The following DIAPH1 variants were observed in gnomAD, a reference collection of about 807,000 sequenced individuals.
DIAPH1 encodes protein diaphanous homolog 1.
Under a neutral mutation model 140.7 loss-of-function variants are expected in DIAPH1, and 46 were observed. That is an observed-to-expected ratio of 0.33 (90% CI 0.26 to 0.42). The LOEUF (loss-of-function observed/expected upper bound fraction) is 0.42. Ranked by LOEUF, DIAPH1 falls within the 10% of genes least tolerant of loss-of-function variation. The pLI is 1.00. For missense variants in DIAPH1, 1,310 were observed against 1,558.7 expected (o/e 0.84, Z 2.69); for synonymous variants, 565 against 551.6 (o/e 1.02, Z -0.34).
chr5:141,581,032 C>T, intron 7 of DIAPH1, 149 bp from the exon 8 acceptor site: 1 of 882,006 alleles, frequency 1.1e-6, no homozygotes, highest in Admixed American at 2.0e-5. Flanking sequence ...GTAACCTCAT[C>T]TGGAAATATA....
chr5:141,532,381 G>A (rs941043236), intron 19 of DIAPH1, among the ~76,000 whole-genome samples: 1 of 152,102 alleles, frequency 6.6e-6, no homozygotes, highest in Non-Finnish European at 1.5e-5. Flanking sequence ...TGTTTCCCAG[G>A]CTGGTCTTGA....
chr5:141,592,963 TA>T (rs2099898726), intron 1 of DIAPH1, among the ~76,000 whole-genome samples: 1 of 152,194 alleles, frequency 6.6e-6, no homozygotes, highest in African/African-American at 2.4e-5. Flanking sequence ...AGGTGTTTTT[TA>T]GAAAGTAAGA....
chr5:141,543,784 G>C (rs2099890368), intron 18 of DIAPH1, among the ~76,000 whole-genome samples: 1 of 152,114 alleles, frequency 6.6e-6, no homozygotes, highest in Non-Finnish European at 1.5e-5. Context: ...AGGAGCATCT[G>C]TACACACACA....
chr5:141,618,566 G>C, intron 1 of DIAPH1: 1 of 442,354 alleles, frequency 2.3e-6, no homozygotes. Context: ...GTAAGGGCTG[G>C]GGAACGAGGG....
intron 18 of DIAPH1, among the ~76,000 whole-genome samples, chr5:141,567,350 A>ACTTCT (rs758247568): frequency 2.4e-4 from 36 of 152,304 alleles, no homozygotes; most frequent in Non-Finnish European, 4.6e-4. Flanking sequence ...AAGTTCTGGA[A>ACTTCT]ACCCCAGATA....
At chr5:141,527,123 A>G (rs183312386) in intron 24 of DIAPH1, among the ~76,000 whole-genome samples, 28 of 152,270 alleles carry the variant, frequency 1.8e-4, no homozygotes, top group African/African-American at 6.5e-4. Flanking sequence ...GAGACGGGGT[A>G]CAGGCAGGGG....
chr5:141,618,937 G>A lies in DIAPH1; in HGVS notation c.-23C>T, dbSNP rs777902356. ...CATGTCCCGGTTCACGCTGGCCGGC[G>A]ACCCCGCGCCTACGCCGCTCCCGCC... On this transcript the variant is annotated 5_prime_UTR_variant, in exon 1 of 28. Transcript: ENST00000389054. The A allele has an allele frequency of 5.0e-6, 7 of 1,400,888 alleles. No homozygotes were observed. The highest frequency in any genetic ancestry group is 6.2e-5 in the East Asian group (2 of 32,336). The allele number at this position is 1,400,888 out of a possible 1,614,324, so 86.8% of individuals were successfully genotyped here.
At chr5:141,527,249 A>C (rs1012202439) in intron 24 of DIAPH1, among the ~76,000 whole-genome samples, 2 of 152,024 alleles carry the variant, frequency 1.3e-5, no homozygotes, top group African/African-American at 4.8e-5. Context: ...TCTAAAGAAA[A>C]AAAGGTTACA....
In DIAPH1 at chr5:141,539,199, C is replaced by T. The variant is rs1487952970; in HGVS notation, c.2483-4766G>A. On this transcript the variant is annotated intron_variant, in intron 18 of 27. Coordinates refer to ENST00000389054, the MANE Select transcript of DIAPH1 (RefSeq NM_005219.5). ...GGCTGAGGCATGAGAATCACTTAAA[C>T]CCAGGAGGCGGAGGTTGCAGTGAGT... is the stretch of plus-strand genomic sequence containing the variant. Among the ~76,000 whole-genome samples, 6 of 151,944 alleles carry T rather than the reference C, an allele frequency of 3.9e-5. No homozygotes were observed. The East Asian group carries it at 1.2e-3, about 30-fold the overall frequency.
At chr5:141,548,953 A>G (rs1458555492) in intron 18 of DIAPH1, among the ~76,000 whole-genome samples, 1 of 152,268 alleles carries the variant, frequency 6.6e-6, no homozygotes, top group Non-Finnish European at 1.5e-5. Context: ...AAAAAGGTAT[A>G]TAACGACAGG....
chr5:141,595,431 C>T (rs1251156353), intron 1 of DIAPH1, among the ~76,000 whole-genome samples: 1 of 152,168 alleles, frequency 6.6e-6, no homozygotes, highest in African/African-American at 2.4e-5. Context: ...TGTGTCCCCA[C>T]CCAAATCTCA....
chr5:141,603,152 T>A (rs2099900421), intron 1 of DIAPH1, among the ~76,000 whole-genome samples: 1 of 152,202 alleles, frequency 6.6e-6, no homozygotes, highest in South Asian at 2.1e-4. Flanking sequence ...AATGATAGGC[T>A]CATGTTCTCC....
intron 14 of DIAPH1, 142 bp downstream of exon 14, chr5:141,576,088 A>G (rs1442558510): frequency 9.9e-6 from 7 of 707,898 alleles, no homozygotes; most frequent in Non-Finnish European, 1.8e-5. Context: ...CCTATACTGG[A>G]AAGGTTTCCC....
chr5:141,531,320 T>A (rs541229765), intron 19 of DIAPH1, among the ~76,000 whole-genome samples: 2 of 152,088 alleles, frequency 1.3e-5, no homozygotes, highest in African/African-American at 4.8e-5. Flanking sequence ...TCTCTCTTTT[T>A]TTTTTTTGAG....
chr5:141,566,953 A>C (rs1453876772), intron 18 of DIAPH1, among the ~76,000 whole-genome samples: 2 of 151,512 alleles, frequency 1.3e-5, no homozygotes, highest in Non-Finnish European at 2.9e-5. Flanking sequence ...CAAAAGGGAA[A>C]GTGGTATTGA....
chr5:141,578,482 G>C, intron 10 of DIAPH1, 33 bp downstream of exon 10: 1 of 1,577,016 alleles, frequency 6.3e-7, no homozygotes, highest in East Asian at 2.2e-5. Flanking sequence ...GAAGGAACCA[G>C]TCTAGCCTTT....
At chr5:141,559,683 G>A (rs968701972) in intron 18 of DIAPH1, among the ~76,000 whole-genome samples, 6 of 152,050 alleles carry the variant, frequency 3.9e-5, no homozygotes, top group African/African-American at 1.4e-4. Context: ...ACTCAATTAG[G>A]GAGTGCTAAA....
chr5:141,554,428 G>A (rs2099892237), intron 18 of DIAPH1, among the ~76,000 whole-genome samples: 1 of 152,094 alleles, frequency 6.6e-6, no homozygotes, highest in Non-Finnish European at 1.5e-5. Flanking sequence ...CTAAATCGGT[G>A]ATCAAAAATT....
chr5:141,616,149 A>T (rs1280667132), intron 1 of DIAPH1, among the ~76,000 whole-genome samples: 1 of 152,204 alleles, frequency 6.6e-6, no homozygotes, highest in Non-Finnish European at 1.5e-5. Flanking sequence ...TCTAACAATC[A>T]TGTGTTTTTA....
Sources: allele counts gnomAD v4.1 joint callset (sites outside exome capture counted in the v4.1 genomes callset), GRCh38; gene constraint gnomAD v4.1.1; transcripts MANE v1.5; gene names NCBI Gene and HGNC (gene_info 2026-07-23, HGNC 2026-07-21).